The following GALNS variants were observed in gnomAD, a reference collection of about 807,000 sequenced individuals.
GALNS encodes the protein N-acetylgalactosamine-6-sulfatase.
In GALNS, 65 loss-of-function variants were observed where a neutral mutation model predicts 65.9. That is an observed-to-expected ratio of 0.99 (90% CI 0.81 to 1.21). GALNS has a LOEUF of 1.21. GALNS is among the 50% of genes most tolerant of loss of function. The pLI, the probability that GALNS is intolerant of heterozygous loss-of-function variation, is 0.00. For missense variants in GALNS, 776 were observed against 700.7 expected, an observed-to-expected ratio of 1.11 and a Z score of -1.21; for synonymous variants, 346 against 288.9, an observed-to-expected ratio of 1.20 and a Z score of -2.00.
In GALNS at chr16:88,816,339, G is replaced by A. The variant is rs1041182946; in HGVS notation, c.1482+1668C>T. The A allele has an allele frequency of 4.1e-6, 4 of 985,330 alleles. No individual in the cohort carries two copies. In the African/African-American group the frequency reaches 5.2e-5, roughly 13 times the overall value. 61.0% of individuals were successfully genotyped at this position (985,330 alleles called of 1,614,324 possible). A position where few individuals can be genotyped will look rare whatever the true frequency, so the allele number is the denominator to read the frequency against. ...GGAGTGGGATTGGGTGTGGAAGGCA[G>A]AAGGCCAGGGCTCCTCCACGGCTGG... On this transcript the variant is annotated intron_variant, in intron 13 of 13. Transcript: ENST00000268695.
chr16:88,817,193 G>A (rs1179845991), intron 13 of GALNS: 3 of 985,328 alleles, frequency 3.0e-6, no homozygotes, highest in Non-Finnish European at 3.6e-6. Flanking sequence ...CCAAGCAGGG[G>A]ACAGAAAAGC....
intron 13 of GALNS, chr16:88,815,868 C>T (rs1214180283): frequency 1.0e-6 from 1 of 985,316 alleles, no homozygotes; most frequent in Non-Finnish European, 1.2e-6. Context: ...GATGGGGGAT[C>T]TGCATTTCTC....
At chr16:88,834,241 G>A (rs1911826552) in intron 8 of GALNS, among the ~76,000 whole-genome samples, 1 of 152,360 alleles carries the variant, frequency 6.6e-6, no homozygotes, top group Admixed American at 6.5e-5. Context: ...TCTATCACTT[G>A]AAACTCTGAA....
At chr16:88,856,457 G>C in intron 1 of GALNS, 1 of 700,462 alleles carries the variant, frequency 1.4e-6, no homozygotes, top group Middle Eastern at 2.5e-4. Context: ...CCACCTGCCA[G>C]GGAGGACGCT....
chr16:88,835,444 A>G, intron 7 of GALNS, 92 bp from the exon 8 acceptor site: 1 of 1,511,122 alleles, frequency 6.6e-7, no homozygotes, highest in Non-Finnish European at 9.1e-7. Context: ...CACGGAGTTC[A>G]TTAAATCATA....
At chr16:88,837,317 C>CAGT in intron 5 of GALNS, among the ~76,000 whole-genome samples, 1 of 152,214 alleles carries the variant, frequency 6.6e-6, no homozygotes, top group South Asian at 2.1e-4. Flanking sequence ...ACCACATGGG[C>CAGT]AGTACCCTGA....
At chr16:88,817,705 G>A (rs1909775876) in intron 13 of GALNS, among the ~76,000 whole-genome samples, 2 of 152,222 alleles carry the variant, frequency 1.3e-5, no homozygotes, top group East Asian at 3.9e-4. Flanking sequence ...GTGACTTGTG[G>A]GGGGCAGGAG....
intron 13 of GALNS, 63 bp downstream of exon 13, chr16:88,817,944 G>A: frequency 7.4e-7 from 1 of 1,350,822 alleles, no homozygotes; most frequent in Non-Finnish European, 1.0e-6. Context: ...GGTTCATCCT[G>A]GGCCCCGGGT....
In GALNS at chr16:88,839,196, C is replaced by T. The variant is rs576713594; in HGVS notation, c.423-1431G>A. ...CGCCCGGCCACAGGGGACACTCGTG[C>T]GCCCACGTCCACAGGTCACCGCCCG... On this transcript the variant is annotated intron_variant, in intron 4 of 13. Coordinates refer to ENST00000268695, the MANE Select transcript of GALNS (RefSeq NM_000512.5). Among the ~76,000 whole-genome samples, 7 of 149,326 alleles carry T rather than the reference C, an allele frequency of 4.7e-5. No homozygotes were observed. The East Asian group carries it at 5.9e-4, about 13-fold the overall frequency.
chr16:88,817,266 T>C (rs1162990757), intron 13 of GALNS: 1 of 985,272 alleles, frequency 1.0e-6, no homozygotes, highest in African/African-American at 1.7e-5. Flanking sequence ...ACGCATCCTT[T>C]GTGGCCTGAA....
chr16:88,837,633 C>T lies in GALNS; in HGVS notation c.555G>A (p.Glu185=), dbSNP rs1396872084. Residue 185 remains glutamate (E), a synonymous_variant, in exon 5 of 14, where the codon GAG becomes GAA. Transcript: ENST00000268695. ...TGGGGCTCCATTACCTGCCAACCAT[C>T]TCCCAGTCCCTGTACACAGGGATGT... ...RPNIPVYRDW[E]MVGRYYEEFP... The T allele has an allele frequency of 6.2e-7, 1 of 1,613,446 alleles. No individual in the cohort carries two copies.
chr16:88,834,245 C>T (rs978382077), intron 8 of GALNS, among the ~76,000 whole-genome samples: 1 of 152,246 alleles, frequency 6.6e-6, no homozygotes, highest in Non-Finnish European at 1.5e-5. Context: ...TCACTTGAAA[C>T]TCTGAAGCCC....
At chr16:88,830,111 G>C (rs1037840119) in intron 9 of GALNS, among the ~76,000 whole-genome samples, 4 of 151,836 alleles carry the variant, frequency 2.6e-5, no homozygotes, top group African/African-American at 9.7e-5. Context: ...CATGCCTGTA[G>C]TCCCAGCTAC....
intron 8 of GALNS, among the ~76,000 whole-genome samples, chr16:88,834,075 G>T (rs1187781797): frequency 2.0e-5 from 3 of 152,178 alleles, no homozygotes; most frequent in African/African-American, 7.2e-5. Context: ...ACATGGGTCT[G>T]TTGGGGGCCT....
At chr16:88,814,757 C>T (rs946372457) in intron 13 of GALNS, 19 of 235,700 alleles carry the variant, frequency 8.1e-5, no homozygotes, top group African/African-American at 2.8e-4. Flanking sequence ...CGCGCCACCA[C>T]GCCTGGCTAA....
rs1456292334 is a variant in GALNS, at chr16:88,855,128, TAC to T, written c.120+1628_120+1629del. On this transcript the variant is annotated intron_variant, in intron 1 of 13. Transcript: ENST00000268695. ...ATTAGAAAAGCAGAAGTAGGTGAAA[TAC>T]AGACTAACTTTATATTTTATTTAAC... The T allele has an allele frequency of 5.5e-6, 3 of 547,012 alleles. No individual in the cohort carries two copies. In the African/African-American group the frequency reaches 5.7e-5, roughly 10 times the overall value. The allele number at this position is 547,012 out of a possible 1,614,324, so 33.9% of individuals were successfully genotyped here.
chr16:88,848,754 C>T (rs764347020), intron 1 of GALNS, among the ~76,000 whole-genome samples: 20 of 152,004 alleles, frequency 1.3e-4, no homozygotes, highest in Non-Finnish European at 2.2e-4. Context: ...AAGCCCTCAC[C>T]GGGGGCGGGG....
Position 88,814,140 on chromosome 16 carries a change from G to C in GALNS, c.*299C>G, listed in dbSNP as rs746882421. The C allele has an allele frequency of 2.0e-6, 1 of 502,342 alleles. No individual in the cohort carries two copies. The highest frequency in any genetic ancestry group is 3.6e-6 in the Non-Finnish European group (1 of 274,224). 31.1% of individuals were successfully genotyped at this position (502,342 alleles called of 1,614,324 possible). A position where few individuals can be genotyped will look rare whatever the true frequency, so the allele number is the denominator to read the frequency against. ...CCTTAACCTTGGCAAAATAAACTGAGACTGGTCTCAGATATTTGGGGTTCA... is the reference window on the plus strand; with the variant it reads ...CCTTAACCTTGGCAAAATAAACTGACACTGGTCTCAGATATTTGGGGTTCA... On this transcript the variant is annotated 3_prime_UTR_variant, in exon 14 of 14. Transcript: ENST00000268695.
intron 8 of GALNS, among the ~76,000 whole-genome samples, chr16:88,832,379 C>T (rs539608156): frequency 6.6e-6 from 1 of 152,328 alleles, no homozygotes; most frequent in Admixed American, 6.5e-5. Flanking sequence ...GGTACACTCC[C>T]GCAGCAGAGG....
Sources: allele counts gnomAD v4.1 joint callset (sites outside exome capture counted in the v4.1 genomes callset), GRCh38; gene constraint gnomAD v4.1.1; transcripts MANE v1.5; gene names NCBI Gene and HGNC (gene_info 2026-07-23, HGNC 2026-07-21).